The following ZYG11B variants were observed in gnomAD, a reference collection of about 807,000 sequenced individuals.
ZYG11B encodes protein zyg-11 homolog B.
In ZYG11B, 36 loss-of-function variants were observed where a neutral mutation model predicts 82.4. That is an observed-to-expected ratio of 0.44 (90% CI 0.33 to 0.58). The LOEUF (loss-of-function observed/expected upper bound fraction) is 0.58, where lower values mean the gene tolerates loss of function less well. Among genes scored for constraint, ZYG11B ranks in the 20% least tolerant of loss-of-function variants. The pLI is 0.02. For missense variants in ZYG11B, 552 were observed against 895.6 expected (o/e 0.62, Z 4.90); for synonymous variants, 303 against 312.8 (o/e 0.97, Z 0.33).
chr1:52,774,137 CTTTTT>C (rs71701008), intron 3 of ZYG11B, among the ~76,000 whole-genome samples: 7 of 147,830 alleles, frequency 4.7e-5, no homozygotes, highest in South Asian at 2.2e-4. Context: ...TTTACAATAA[CTTTTT>C]TTTTTTTTTT....
intron 10 of ZYG11B, among the ~76,000 whole-genome samples, chr1:52,809,282 T>C (rs1645165120): frequency 6.6e-6 from 1 of 152,224 alleles, no homozygotes; most frequent in South Asian, 2.1e-4. Flanking sequence ...GTAACTGTTT[T>C]CATCTTGTAA....
At chr1:52,804,827 C>T (rs1223168425) in intron 10 of ZYG11B, among the ~76,000 whole-genome samples, 1 of 151,916 alleles carries the variant, frequency 6.6e-6, no homozygotes, top group African/African-American at 2.4e-5. Flanking sequence ...TGCAGTGGCT[C>T]ATGTCTGTAA....
intron 2 of ZYG11B, among the ~76,000 whole-genome samples, chr1:52,760,525 T>G (rs976067121): frequency 6.6e-6 from 1 of 152,212 alleles, no homozygotes; most frequent in Non-Finnish European, 1.5e-5. Flanking sequence ...TAGAAAATGT[T>G]TAACATATAC....
Position 52,736,433 on chromosome 1 carries a change from C to T in ZYG11B, c.30+9750C>T, listed in dbSNP as rs375433871. Among the ~76,000 whole-genome samples the T allele has an allele frequency of 2.6e-5, 4 of 152,046 alleles. No homozygotes were observed. The East Asian group carries it at 5.8e-4, about 22-fold the overall frequency. On this transcript the variant is annotated intron_variant, in intron 1 of 13. Transcript: ENST00000294353. Reference sequence around the variant, plus strand: ...TATCACAGGCATGCACTACCATGCCCAGCTAATTTTTTTCTTTTTCTTTTT... The same window carrying T: ...TATCACAGGCATGCACTACCATGCCTAGCTAATTTTTTTCTTTTTCTTTTT...
intron 10 of ZYG11B, among the ~76,000 whole-genome samples, chr1:52,802,688 AAAG>A (rs1274345606): frequency 2.7e-5 from 4 of 150,814 alleles, no homozygotes; most frequent in African/African-American, 9.8e-5. Flanking sequence ...ATGAACAAAA[AAAG>A]AAAGAGAGAG....
At chr1:52,793,296 G>T (rs1644974785) in intron 6 of ZYG11B, among the ~76,000 whole-genome samples, 1 of 151,962 alleles carries the variant, frequency 6.6e-6, no homozygotes, top group African/African-American at 2.4e-5. Flanking sequence ...ATCACTTGAG[G>T]TCAGGAGTTC....
At chr1:52,755,280 T>G (rs1253483943) in intron 1 of ZYG11B, among the ~76,000 whole-genome samples, 1 of 151,716 alleles carries the variant, frequency 6.6e-6, no homozygotes, top group African/African-American at 2.4e-5. Context: ...GCCCGTTGAA[T>G]TATCCTGGCA....
rs559354490 is a variant in ZYG11B, at chr1:52,823,281, C to T, written c.*1652C>T. On this transcript the variant is annotated 3_prime_UTR_variant, in exon 14 of 14. Transcript: ENST00000294353. ...CTAGCCTGGGCAACATAGTGAGACTCGGTCTCTACCAAAAAAAAAAATTTT... is the reference window on the plus strand; with the variant it reads ...CTAGCCTGGGCAACATAGTGAGACTTGGTCTCTACCAAAAAAAAAAATTTT... The T allele has an allele frequency of 1.3e-5, 2 of 151,362 alleles. No homozygotes were observed. Among genetic ancestry groups the T allele is most frequent in the South Asian group, 4.2e-4 (2 of 4,760 alleles). 9.4% of individuals were successfully genotyped at this position (151,362 alleles called of 1,614,324 possible).
intron 1 of ZYG11B, among the ~76,000 whole-genome samples, chr1:52,754,738 A>G (rs1392134298): frequency 1.3e-5 from 2 of 152,166 alleles, no homozygotes; most frequent in African/African-American, 4.8e-5. Context: ...TTGAAGTTTA[A>G]TAGATATACA....
At chr1:52,811,946 G>GT (rs1645187502) in intron 10 of ZYG11B, among the ~76,000 whole-genome samples, 3 of 152,036 alleles carry the variant, frequency 2.0e-5, no homozygotes, top group African/African-American at 7.2e-5. Flanking sequence ...CGGGAGAATG[G>GT]TGTGAACCTG....
intron 4 of ZYG11B, among the ~76,000 whole-genome samples, chr1:52,783,315 G>A (rs1212985899): frequency 2.0e-5 from 3 of 152,034 alleles, no homozygotes; most frequent in Admixed American, 6.6e-5. Flanking sequence ...AAAGAGGGAT[G>A]TTTTGATTTT....
chr1:52,808,724 CT>C, intron 10 of ZYG11B, among the ~76,000 whole-genome samples: 1 of 152,186 alleles, frequency 6.6e-6, no homozygotes, highest in Non-Finnish European at 1.5e-5. Flanking sequence ...TTTGGAGACG[CT>C]AATTTGCACA....
intron 2 of ZYG11B, among the ~76,000 whole-genome samples, chr1:52,760,296 T>G (rs1041820627): frequency 6.6e-6 from 1 of 152,030 alleles, no homozygotes; most frequent in African/African-American, 2.4e-5. Flanking sequence ...TAACAAAAAT[T>G]AGCCCGGCGT....
chr1:52,819,654 G>A (rs1270820295), intron 13 of ZYG11B, among the ~76,000 whole-genome samples: 2 of 151,544 alleles, frequency 1.3e-5, no homozygotes, highest in Non-Finnish European at 2.9e-5. Context: ...GTGGGTTGTG[G>A]CACACATCTG....
intron 1 of ZYG11B, among the ~76,000 whole-genome samples, chr1:52,752,533 A>T (rs994794956): frequency 6.6e-6 from 1 of 152,246 alleles, no homozygotes; most frequent in African/African-American, 2.4e-5. Context: ...GTTAATGGCA[A>T]GTGAAGTGCC....
chr1:52,755,100 A>G (rs944793732), intron 1 of ZYG11B, among the ~76,000 whole-genome samples: 1 of 151,736 alleles, frequency 6.6e-6, no homozygotes, highest in African/African-American at 2.4e-5. Context: ...AGCTGGGACT[A>G]CAGGCGCCCG....
At chr1:52,757,941 C>G (rs1383067381) in intron 2 of ZYG11B, among the ~76,000 whole-genome samples, 1 of 151,822 alleles carries the variant, frequency 6.6e-6, no homozygotes, top group African/African-American at 2.4e-5. Context: ...GTGGCTCACA[C>G]CTGTAATCCT....
intron 5 of ZYG11B, 89 bp from the exon 6 acceptor site, chr1:52,789,912 CTT>C: frequency 1.2e-6 from 1 of 861,174 alleles, no homozygotes; most frequent in Non-Finnish European, 1.7e-6. Context: ...CATCAGTCTT[CTT>C]CTTTTTTTTT....
Position 52,821,600 on chromosome 1 carries a change from A to T in ZYG11B, c.2206A>T (p.Lys736Ter). 1.2e-6 allele frequency: 2 copies of T among 1,613,654 alleles called. No individual in the cohort carries two copies. The highest frequency in any genetic ancestry group is 1.7e-6 in the Non-Finnish European group (2 of 1,179,824). ...IVRHGRPPPC[K>*]KQPQARLN ...GCGCCATGGGAGGCCACCTCCCTGT[A>T]AAAAACAGCCCCAAGCCAGACTAAA... is the stretch of plus-strand genomic sequence containing the variant. Residue 736 changes from lysine (K) to a stop codon, truncating the protein, a stop_gained, in exon 14 of 14, where the codon AAA becomes TAA. Transcript: ENST00000294353. LOFTEE classifies it high-confidence loss of function.
Sources: allele counts gnomAD v4.1 joint callset (sites outside exome capture counted in the v4.1 genomes callset), GRCh38; gene constraint gnomAD v4.1.1; transcripts MANE v1.5; gene names NCBI Gene and HGNC (gene_info 2026-07-23, HGNC 2026-07-21).